The following FXYD6 variants were observed in gnomAD, a reference collection of about 807,000 sequenced individuals.
The protein encoded by FXYD6 is FXYD domain-containing ion transport regulator 6.
In FXYD6, 7 loss-of-function variants were observed where a neutral mutation model predicts 16.7. That is an observed-to-expected ratio of 0.42 (90% CI 0.24 to 0.79). FXYD6 has a LOEUF of 0.79. FXYD6 is among the 30% of genes least tolerant of loss of function. FXYD6 has a pLI of 0.28. For synonymous variants in FXYD6, 49 were observed against 43.0 expected, an observed-to-expected ratio of 1.14 and a Z score of -0.54; for missense variants, 111 against 116.2, an observed-to-expected ratio of 0.95 and a Z score of 0.21.
intron 1 of FXYD6, among the ~76,000 whole-genome samples, chr11:117,859,823 G>A (rs1345103213): frequency 6.6e-6 from 1 of 152,156 alleles, no homozygotes; most frequent in African/African-American, 2.4e-5. Context: ...GTCTGTCTGT[G>A]ATAATTTTTA....
intron 1 of FXYD6, among the ~76,000 whole-genome samples, chr11:117,861,212 T>C (rs10790216): frequency 0.48 from 73,179 of 152,060 alleles, 18,382 homozygotes; most frequent in East Asian, 0.73. Context: ...GCCTGCTCTG[T>C]CCCCACTCGA....
rs750406730 is a variant in FXYD6, at chr11:117,841,182, G to T, written c.175C>A (p.Arg59Ser). The T allele has an allele frequency of 4.3e-6, 7 of 1,613,998 alleles. No individual in the cohort carries two copies. In the Admixed American group the frequency reaches 5.0e-5, roughly 12 times the overall value. Residue 59 changes from arginine to serine, a missense_variant and splice_region_variant, in exon 5 of 8, where the codon CGC becomes AGC. By Grantham distance (110) the Arg-to-Ser change is moderately radical (BLOSUM62 -1). Coordinates refer to ENST00000526014, the MANE Select transcript of FXYD6 (RefSeq NM_022003.4). ...TGATTGAAACTGCACTTGCACCTGC[G>T]ACCTGAAAAGCAAAGAAACCATCCA... ...FSVGILLILS[R>S]RCKCSFNQKP...
chr11:117,857,168 T>C (rs476130), intron 1 of FXYD6, among the ~76,000 whole-genome samples: 138,818 of 152,192 alleles, frequency 0.91, 63,424 homozygotes, highest in East Asian at 1. Flanking sequence ...TCAGGGAAGG[T>C]GAGGGATGGA....
chr11:117,875,349 G>A (rs1305171767), intron 1 of FXYD6, among the ~76,000 whole-genome samples: 1 of 152,032 alleles, frequency 6.6e-6, no homozygotes, highest in Non-Finnish European at 1.5e-5. Context: ...AGGGGCCACT[G>A]CAATTGGGTG....
chr11:117,864,969 T>C (rs2056984753), intron 1 of FXYD6, among the ~76,000 whole-genome samples: 1 of 152,008 alleles, frequency 6.6e-6, no homozygotes, highest in Non-Finnish European at 1.5e-5. Context: ...TGGAAGGAAA[T>C]ATTTTCAAAT....
chr11:117,866,289 C>T (rs1159225688), intron 1 of FXYD6, among the ~76,000 whole-genome samples: 2 of 151,828 alleles, frequency 1.3e-5, no homozygotes, highest in East Asian at 3.9e-4. Flanking sequence ...AATCATAGTA[C>T]ATTTTATGGT....
At chr11:117,874,888 T>C (rs1292597812) in intron 1 of FXYD6, among the ~76,000 whole-genome samples, 1 of 152,070 alleles carries the variant, frequency 6.6e-6, no homozygotes, top group Non-Finnish European at 1.5e-5. Flanking sequence ...CCCTTCCAGG[T>C]TTAGGGAAGG....
At chr11:117,845,010 C>T (rs763451338) in intron 1 of FXYD6, among the ~76,000 whole-genome samples, 1 of 152,206 alleles carries the variant, frequency 6.6e-6, no homozygotes, top group Non-Finnish European at 1.5e-5. Context: ...ACAATTCACA[C>T]ATCAGGAAGT....
chr11:117,852,043 A>G (rs1856765474), intron 1 of FXYD6, among the ~76,000 whole-genome samples: 1 of 152,234 alleles, frequency 6.6e-6, no homozygotes, highest in African/African-American at 2.4e-5. Context: ...GAAGCACAGG[A>G]TAAGGAATTG....
chr11:117,842,270 C>A, intron 2 of FXYD6: 1 of 601,138 alleles, frequency 1.7e-6, no homozygotes, highest in Non-Finnish European at 2.9e-6. Context: ...ATGCAACACC[C>A]ACATTCATTG....
chr11:117,867,291 T>C (rs1382015793), intron 1 of FXYD6, among the ~76,000 whole-genome samples: 1 of 152,226 alleles, frequency 6.6e-6, no homozygotes, highest in African/African-American at 2.4e-5. Context: ...CCTGCCTCCC[T>C]GCCTGACGGA....
intron 1 of FXYD6, among the ~76,000 whole-genome samples, chr11:117,868,195 C>T (rs920013299): frequency 6.6e-6 from 1 of 152,050 alleles, no homozygotes; most frequent in East Asian, 1.9e-4. Context: ...TGAGGACGGC[C>T]GAAAGTGCTG....
rs1033502914 is a variant in FXYD6 at position 117,872,276 on chromosome 11, G to A, written c.-6+4316C>T. Among the ~76,000 whole-genome samples, 5 of 152,188 alleles carry A rather than the reference G, an allele frequency of 3.3e-5. No homozygotes were observed. Among genetic ancestry groups the A allele is most frequent in the African/African-American group, 1.2e-4 (5 of 41,442 alleles). ...ATTATATATGTGTGAGGAAGGGAAC[G>A]TGTGTGAGAGTGTAAGTGCACCCGT... is the stretch of plus-strand genomic sequence containing the variant. On this transcript the variant is annotated intron_variant, in intron 1 of 7. Coordinates refer to ENST00000526014, the MANE Select transcript of FXYD6 (RefSeq NM_022003.4). This position sits in a 1 kb window ranked among gnomAD's most constrained non-coding sequence, Gnocchi z 4.9.
At chr11:117,857,153 T>C (rs945536179) in intron 1 of FXYD6, among the ~76,000 whole-genome samples, 3 of 152,150 alleles carry the variant, frequency 2.0e-5, no homozygotes, top group African/African-American at 7.2e-5. Context: ...GTGACAGTGC[T>C]GGCTTCAGGG....
Position 117,838,055 on chromosome 11 carries a change from A to C in FXYD6, c.*244T>G. 1 of 657,984 alleles carries C rather than the reference A, an allele frequency of 1.5e-6. No homozygotes were observed. The highest frequency in any genetic ancestry group is 1.7e-5 in the South Asian group (1 of 60,152). 40.8% of individuals were successfully genotyped at this position (657,984 alleles called of 1,614,324 possible). A position where few individuals can be genotyped will look rare whatever the true frequency, so the allele number is the denominator to read the frequency against. On this transcript the variant is annotated 3_prime_UTR_variant, in exon 8 of 8. Coordinates refer to ENST00000526014, the MANE Select transcript of FXYD6 (RefSeq NM_022003.4). The stretch of plus-strand genomic sequence containing the variant: ...AACACACACAGTCACACACACACAC[A>C]CACACACACACATCACGGGAGGTGG...
At chr11:117,858,777 C>CTTCCTTCTTTCT (rs1356939879) in intron 1 of FXYD6, among the ~76,000 whole-genome samples, 1 of 75,476 alleles carries the variant, frequency 1.3e-5, no homozygotes, top group Non-Finnish European at 2.7e-5. Context: ...TCCTTCCTTC[C>CTTCCTTCTTTCT]TTCTTTCTTT....
chr11:117,861,238 G>A (rs1369815995), intron 1 of FXYD6, among the ~76,000 whole-genome samples: 2 of 152,200 alleles, frequency 1.3e-5, no homozygotes, highest in South Asian at 2.1e-4. Flanking sequence ...GCTGGTCTAT[G>A]GGAGCCTGCC....
At chr11:117,838,470 C>T in intron 7 of FXYD6, 193 bp from the exon 8 acceptor site, 1 of 606,900 alleles carries the variant, frequency 1.6e-6, no homozygotes, top group South Asian at 2.0e-5. Context: ...TGGGCTGGAG[C>T]CTGGCAGACA....
At position 117,858,723 on chromosome 11, in the gene FXYD6, CCCTTCCTTCCTT is replaced by C. The variant is rs761682132; in HGVS notation, c.-5-15954_-5-15943del. The stretch of plus-strand genomic sequence containing the variant: ...TCTTTCTCTCTCTCTCTCCTTCCTT[CCCTTCCTTCCTT>C]CCTTCCTTCCTTCCTTCCTTCCTTC... On this transcript the variant is annotated intron_variant, in intron 1 of 7. Coordinates refer to ENST00000526014, the MANE Select transcript of FXYD6 (RefSeq NM_022003.4). Among the ~76,000 whole-genome samples the C allele has an allele frequency of 2.9e-3, 120 of 41,238 alleles. 4 individuals are homozygous for C. Among genetic ancestry groups the C allele is most frequent in the African/African-American group, 8.7e-3 (97 of 11,150 alleles). 27.1% of individuals were successfully genotyped at this position (41,238 alleles called of 152,430 possible).
Sources: gnomAD v4.1 joint callset for allele counts (sites outside exome capture counted in the v4.1 genomes callset) on GRCh38, gnomAD v4.1.1 for gene constraint, Gnocchi (gnomAD v3.1) non-coding constraint, MANE v1.5 for transcripts, NCBI Gene and HGNC (gene_info 2026-07-23, HGNC 2026-07-21) for gene names.